TAFA1: variants seen among roughly 807,000 people sequenced by gnomAD.
The protein encoded by TAFA1 is TAFA chemokine like family member 1, also known as chemokine-like protein TAFA-1.
In TAFA1, 4 loss-of-function variants were observed where a neutral mutation model predicts 18.5. That is an observed-to-expected ratio of 0.22 (90% CI 0.11 to 0.49). TAFA1 has a LOEUF of 0.49. Among genes scored for constraint, TAFA1 ranks in the 20% least tolerant of loss-of-function variants. The pLI is 0.98. For synonymous variants in TAFA1, 56 were observed against 55.2 expected (o/e 1.01, Z -0.06); for missense variants, 147 against 169.0 (o/e 0.87, Z 0.72).
intron 3 of TAFA1, among the ~76,000 whole-genome samples, chr3:68,460,286 C>A (rs1298460562): frequency 6.6e-6 from 1 of 152,124 alleles, no homozygotes; most frequent in Non-Finnish European, 1.5e-5. Flanking sequence ...CCATCCTAGA[C>A]CATCTGATAA....
At chr3:67,994,403 G>A in the TAFA1 span, among the ~76,000 whole-genome samples, 1 of 152,144 alleles carries the variant, frequency 6.6e-6, no homozygotes, top group East Asian at 1.9e-4. Flanking sequence ...TTTAAACTGA[G>A]AGTCCAGATT....
intron 2 of TAFA1, among the ~76,000 whole-genome samples, chr3:68,103,533 G>A (rs907597175): frequency 2.0e-5 from 3 of 151,942 alleles, no homozygotes; most frequent in Non-Finnish European, 4.4e-5. Flanking sequence ...TGTTTTATTA[G>A]CCAGTCACCT....
In TAFA1 at chr3:68,254,005, A is replaced by T. The variant is rs78823935; in HGVS notation, c.119-163275A>T. On this transcript the variant is annotated intron_variant, in intron 2 of 4. Transcript: ENST00000478136. ...AATTGGCAAATCTGTAAAAATGACT[A>T]CAGCATTAGTTTCTTTGGGTTTCTG... 1.9e-3 allele frequency among the ~76,000 whole-genome samples: 293 copies of T among 152,198 alleles called. 6 individuals carry two copies. The East Asian group carries it at 0.038, about 20-fold the overall frequency.
At chr3:68,364,734 G>A (rs1030301548) in intron 2 of TAFA1, among the ~76,000 whole-genome samples, 3 of 152,110 alleles carry the variant, frequency 2.0e-5, no homozygotes, top group African/African-American at 7.2e-5. Flanking sequence ...AACTAACATT[G>A]AAATACTCCT....
intron 2 of TAFA1, among the ~76,000 whole-genome samples, chr3:68,060,885 T>G (rs1356376380): frequency 3.3e-5 from 5 of 152,216 alleles, no homozygotes. Context: ...ATAATGAAAA[T>G]ATGGATTTGT....
chr3:68,280,528 G>C (rs993687854), intron 2 of TAFA1, among the ~76,000 whole-genome samples: 1 of 152,126 alleles, frequency 6.6e-6, no homozygotes, highest in Non-Finnish European at 1.5e-5. Context: ...TTAAAGGGAA[G>C]CATGGTATAA....
chr3:68,045,467 T>C (rs944741459), intron 2 of TAFA1, among the ~76,000 whole-genome samples: 12 of 152,166 alleles, frequency 7.9e-5, no homozygotes, highest in African/African-American at 2.9e-4. Context: ...GAAAATTAGA[T>C]ACATAGTCAG....
At chr3:68,394,166 A>G (rs2070326759) in intron 2 of TAFA1, among the ~76,000 whole-genome samples, 1 of 152,140 alleles carries the variant, frequency 6.6e-6, no homozygotes. Flanking sequence ...ATAATAGACA[A>G]ACAGAGCCAA....
intron 3 of TAFA1, among the ~76,000 whole-genome samples, chr3:68,523,548 G>A (rs1167487657): frequency 1.3e-5 from 2 of 152,206 alleles, no homozygotes; most frequent in Admixed American, 6.5e-5. Flanking sequence ...TCAATTGCTT[G>A]ATTCTTACAT....
rs574797038 is a variant in TAFA1 at position 68,534,899 on chromosome 3, G to C, written c.260-3857G>C. On this transcript the variant is annotated intron_variant, in intron 3 of 4. Transcript: ENST00000478136. The stretch of plus-strand genomic sequence containing the variant: ...AAGGAGGCAACACCAAAAAAAAAAT[G>C]CAAAAAGCTGACCCCACTGGCGGAT... Among the ~76,000 whole-genome samples the C allele has an allele frequency of 1.4e-3, 209 of 152,082 alleles. 2 individuals are homozygous for C. Among genetic ancestry groups the C allele is most frequent in the African/African-American group, 4.8e-3 (201 of 41,518 alleles).
intron 3 of TAFA1, among the ~76,000 whole-genome samples, chr3:68,467,710 A>C (rs2071915985): frequency 6.6e-6 from 1 of 152,204 alleles, no homozygotes; most frequent in Non-Finnish European, 1.5e-5. Flanking sequence ...CAGGTTCCTC[A>C]GACATAACCT....
At chr3:68,370,480 A>ATATATATATATATATACG (rs1553682543) in intron 2 of TAFA1, among the ~76,000 whole-genome samples, 2 of 32,760 alleles carry the variant, frequency 6.1e-5, no homozygotes, top group African/African-American at 8.9e-5. Flanking sequence ...GTGTATATAT[A>ATATATATATATATATACG]TATATATATA....
intron 2 of TAFA1, among the ~76,000 whole-genome samples, chr3:68,311,343 G>A (rs943544302): frequency 7.9e-5 from 12 of 151,788 alleles, no homozygotes; most frequent in South Asian, 4.2e-4. Context: ...AACAGTCTCC[G>A]AAAGTGTCAA....
intron 2 of TAFA1, among the ~76,000 whole-genome samples, chr3:68,181,074 G>A (rs533216326): frequency 1.3e-5 from 2 of 152,242 alleles, no homozygotes; most frequent in East Asian, 3.9e-4. Context: ...AAAACCTTGG[G>A]CCCTTGGTCC....
intron 2 of TAFA1, among the ~76,000 whole-genome samples, chr3:68,023,031 G>C (rs1575578683): frequency 7.1e-6 from 1 of 139,892 alleles, no homozygotes; most frequent in Non-Finnish European, 1.5e-5. Flanking sequence ...TAAATAACTT[G>C]TTCAAAGTGC....
intron 3 of TAFA1, among the ~76,000 whole-genome samples, chr3:68,491,198 C>T (rs1014094333): frequency 9.2e-5 from 14 of 152,052 alleles, no homozygotes; most frequent in African/African-American, 3.1e-4. Flanking sequence ...GGTATATACC[C>T]AAAGGATTAT....
intron 2 of TAFA1, among the ~76,000 whole-genome samples, chr3:68,118,546 A>C (rs6792448): frequency 0.97 from 147,360 of 152,244 alleles, 71,354 homozygotes; most frequent in African/African-American, 0.99. Context: ...CTTTCCCAGC[A>C]CCTGGCAACC....
chr3:68,418,103 C>T (rs1453846225), intron 3 of TAFA1, among the ~76,000 whole-genome samples: 3 of 152,008 alleles, frequency 2.0e-5, no homozygotes, highest in African/African-American at 4.8e-5. Flanking sequence ...TGGACTGAGG[C>T]TCTAGAGAAT....
At chr3:68,305,516 G>A (rs1055636751) in intron 2 of TAFA1, among the ~76,000 whole-genome samples, 3 of 141,472 alleles carry the variant, frequency 2.1e-5, no homozygotes, top group Admixed American at 1.4e-4. Context: ...AACCTATAAA[G>A]GCTTAGGGTA....
Sources: allele counts gnomAD v4.1 joint callset (sites outside exome capture counted in the v4.1 genomes callset), GRCh38; gene constraint gnomAD v4.1.1; transcripts MANE v1.5; gene names NCBI Gene and HGNC (gene_info 2026-07-23, HGNC 2026-07-21).